CAPN3: variants seen among roughly 807,000 people sequenced by gnomAD.
CAPN3 encodes the protein calpain 3, also known as calpain-3.
A neutral mutation model predicts 114.0 loss-of-function variants in CAPN3; 88 were observed. That is an observed-to-expected ratio of 0.77 (90% CI 0.65 to 0.92). CAPN3 has a LOEUF of 0.92. CAPN3 is among the 40% of genes least tolerant of loss of function. CAPN3 has a pLI of 0.00. For missense variants in CAPN3, 1,028 were observed against 1,069.0 expected, an observed-to-expected ratio of 0.96 and a Z score of 0.53; for synonymous variants, 386 against 382.9, an observed-to-expected ratio of 1.01 and a Z score of -0.09.
chr15:42,403,105 TCTG>T, intron 13 of CAPN3, 103 bp downstream of exon 13: 1 of 911,876 alleles, frequency 1.1e-6, no homozygotes. Context: ...CCAGGGTCCT[TCTG>T]CTGCTCCTGA....
intron 2 of CAPN3, among the ~76,000 whole-genome samples, chr15:42,385,009 AAG>A (rs2053356463): frequency 6.6e-6 from 1 of 152,242 alleles, no homozygotes; most frequent in Non-Finnish European, 1.5e-5. Context: ...TCCATCTTAA[AAG>A]AGTCTTTCCA....
In CAPN3 at chr15:42,399,102, TC is replaced by T. The variant is rs532616887; in HGVS notation, c.1194-389del. On this transcript the variant is annotated intron_variant, in intron 9 of 23. Transcript: ENST00000397163. ...ACCCTGGTGAGCACTAGAGCTTATT[TC>T]TTCTATCTAACTGTATTTTTGTATC... Among the ~76,000 whole-genome samples, 172 of 152,196 alleles carry T rather than the reference TC, an allele frequency of 1.1e-3. 1 individual carries two copies. In the Middle Eastern group the frequency reaches 0.017, roughly 15 times the overall value.
In CAPN3 at chr15:42,410,617, G is replaced by A. The variant is rs775348047; in HGVS notation, c.2214G>A (p.Gln738=). 2 of 1,613,920 alleles carry A rather than the reference G, an allele frequency of 1.2e-6. No individual in the cohort carries two copies. The highest frequency in any genetic ancestry group is 2.7e-5 in the African/African-American group (2 of 74,890). ...TTTTCAAACACTATGACACAGACCA[G>A]TCCGGCACCATCAACAGCTACGAGA... is the stretch of plus-strand genomic sequence containing the variant. ...QKIFKHYDTD[Q]SGTINSYEMR... is the part of the protein sequence containing the mutation. The change falls in exon 21 of 24, where the codon CAG becomes CAA. Residue 738 remains glutamine, a synonymous_variant. Transcript: ENST00000397163.
Position 42,384,542 on chromosome 15 carries a change from A to G in CAPN3, c.369A>G (p.Gln123=), listed in dbSNP as rs774155921. ...IDGANRTDIC[Q]GELGDCWFLA... The stretch of plus-strand genomic sequence containing the variant: ...GAGCCAACAGAACTGACATCTGTCA[A>G]GGAGAGCTAGGTAGGAAAGTGCCTC... Residue 123 remains glutamine, a synonymous_variant, in exon 2 of 24, where the codon CAA becomes CAG. Transcript: ENST00000397163. 26 of 1,613,040 alleles carry G rather than the reference A, an allele frequency of 1.6e-5. No homozygotes were observed. In the Admixed American group the frequency reaches 4.2e-4, roughly 26 times the overall value.
chr15:42,362,829 T>C (rs1004457255), intron 1 of CAPN3, among the ~76,000 whole-genome samples: 5 of 152,190 alleles, frequency 3.3e-5, no homozygotes, highest in African/African-American at 1.2e-4. Flanking sequence ...CAGTTCTCCA[T>C]AAACTTCTTC....
chr15:42,400,156 G>A (rs570538133), intron 10 of CAPN3, among the ~76,000 whole-genome samples: 1 of 152,208 alleles, frequency 6.6e-6, no homozygotes, highest in African/African-American at 2.4e-5. Flanking sequence ...TCTACTGAAT[G>A]TGCATCTCTT....
Position 42,402,188 on chromosome 15 carries a change from C to T in CAPN3, c.1536+53C>T, listed in dbSNP as rs563517512. On this transcript the variant is annotated intron_variant, in intron 12 of 23. Transcript: ENST00000397163. ...GTGTGCAGCACTACCCAGGGGGCCC[C>T]GAGTCTGTCTGTGGCTCGTCGAGAA... 2.2e-4 allele frequency: 347 copies of T among 1,613,350 alleles called. 1 individual carries two copies. The highest frequency in any genetic ancestry group is 1.4e-3 in the South Asian group (123 of 91,078).
At chr15:42,402,383 ACACT>A in intron 12 of CAPN3, 3 of 1,451,188 alleles carry the variant, frequency 2.1e-6, no homozygotes, top group Non-Finnish European at 2.7e-6. Flanking sequence ...ATGCCTTTGC[ACACT>A]CACCCTCCTC....
Position 42,405,950 on chromosome 15 carries a change from G to A in CAPN3, c.1800+7G>A, listed in dbSNP as rs770160730. The A allele has an allele frequency of 1.9e-6, 3 of 1,611,348 alleles. No individual in the cohort carries two copies. Among genetic ancestry groups the A allele is most frequent in the East Asian group, 2.2e-5 (1 of 44,868 alleles). The stretch of plus-strand genomic sequence containing the variant: ...GAAAAAGAAAAAAACCAAGGTAGGT[G>A]TGTGGGTAGAGAGCATGAAGTGTGT... On this transcript the variant is annotated splice_region_variant and intron_variant, in intron 15 of 23. Transcript: ENST00000397163.
rs761475803 is a variant in CAPN3, at chr15:42,390,139, C to T, written c.945+43C>T. ...TATCAGAACTGACCATCCCTCCAAC[C>T]CACATGACCCCGCCCTATTAGTGTC... On this transcript the variant is annotated intron_variant, in intron 6 of 23. Transcript: ENST00000397163. The T allele has an allele frequency of 4.6e-5, 74 of 1,611,036 alleles. 1 individual carries two copies. The South Asian group carries it at 7.3e-4, about 16-fold the overall frequency.
rs773536127 is a variant in CAPN3, at chr15:42,360,060, C to T, written c.255C>T (p.Thr85=). 67 of 1,614,076 alleles carry T rather than the reference C, an allele frequency of 4.2e-5. 1 individual carries two copies. The highest frequency in any genetic ancestry group is 1.6e-4 in the Middle Eastern group (1 of 6,084). ...ACCCTGAGTTCCCACCGGATGAGAC[C>T]TCTCTCTTTTATAGCCAGAAGTTCC... ...YVDPEFPPDE[T]SLFYSQKFPI... Residue 85 remains threonine, a synonymous_variant, in exon 1 of 24, where the codon ACC becomes ACT. Coordinates refer to ENST00000397163, the MANE Select transcript of CAPN3 (RefSeq NM_000070.3).
intron 15 of CAPN3, among the ~76,000 whole-genome samples, chr15:42,406,879 C>T (rs565277422): frequency 5.3e-5 from 8 of 152,142 alleles, no homozygotes; most frequent in Non-Finnish European, 1.0e-4. Flanking sequence ...GCTTAGAAGG[C>T]AGAGCAAGCC....
At chr15:42,385,825 G>C (rs1708092046) in intron 2 of CAPN3, 1 of 552,464 alleles carries the variant, frequency 1.8e-6, no homozygotes. Flanking sequence ...ATTTCCTACA[G>C]GTGTTAGGAA....
chr15:42,365,642 G>GC (rs2052759917), intron 1 of CAPN3, among the ~76,000 whole-genome samples: 2 of 151,850 alleles, frequency 1.3e-5, no homozygotes, highest in African/African-American at 2.4e-5. Context: ...TCATTACAGG[G>GC]CCCCACCCGT....
At chr15:42,381,665 G>A (rs1301361429) in intron 1 of CAPN3, among the ~76,000 whole-genome samples, 1 of 151,938 alleles carries the variant, frequency 6.6e-6, no homozygotes, top group African/African-American at 2.4e-5. Context: ...TCAGCCTCCC[G>A]AGTAGCTGGG....
At chr15:42,406,040 C>T in intron 15 of CAPN3, 97 bp downstream of exon 15, 2 of 1,084,554 alleles carry the variant, frequency 1.8e-6, no homozygotes, top group Non-Finnish European at 2.8e-6. Flanking sequence ...TGCATCCATG[C>T]ACCAGACTTG....
intron 5 of CAPN3, among the ~76,000 whole-genome samples, 183 bp from the exon 6 acceptor site, chr15:42,389,770 A>T (rs1189747967): frequency 6.6e-6 from 1 of 152,034 alleles, no homozygotes; most frequent in Non-Finnish European, 1.5e-5. Flanking sequence ...AGCACACAAC[A>T]CCATGGATGA....
chr15:42,386,108 C>A, intron 2 of CAPN3, 59 bp from the exon 3 acceptor site: 1 of 1,240,032 alleles, frequency 8.1e-7, no homozygotes, highest in Non-Finnish European at 1.2e-6. Flanking sequence ...GGGATTGGGG[C>A]TTTTTCTTCC....
intron 1 of CAPN3, among the ~76,000 whole-genome samples, chr15:42,380,757 T>TC (rs1566972361): frequency 2.9e-5 from 3 of 104,350 alleles, no homozygotes; most frequent in Non-Finnish European, 5.4e-5. Flanking sequence ...ATATATTTTT[T>TC]TTTTTTTTTT....
Sources: allele counts gnomAD v4.1 joint callset (sites outside exome capture counted in the v4.1 genomes callset), GRCh38; gene constraint gnomAD v4.1.1; transcripts MANE v1.5; gene names NCBI Gene and HGNC (gene_info 2026-07-23, HGNC 2026-07-21).